SLC39A8: variants seen among roughly 807,000 people sequenced by gnomAD.
SLC39A8 encodes metal cation symporter ZIP8.
Under a neutral mutation model 40.4 loss-of-function variants are expected in SLC39A8, and 15 were observed. That is an observed-to-expected ratio of 0.37 (90% confidence interval 0.25 to 0.57). The LOEUF is 0.57. Ranked by LOEUF, SLC39A8 falls within the 20% of genes least tolerant of loss-of-function variation. SLC39A8 has a pLI of 0.75. For synonymous variants in SLC39A8, 223 were observed against 221.6 expected, an observed-to-expected ratio of 1.01 and a Z score of -0.06; for missense variants, 472 against 558.8, an observed-to-expected ratio of 0.84 and a Z score of 1.57.
intron 6 of SLC39A8, among the ~76,000 whole-genome samples, chr4:102,293,122 T>A (rs1334950607): frequency 6.6e-6 from 1 of 152,072 alleles, no homozygotes; most frequent in Admixed American, 6.6e-5. Context: ...AATTTTTCAC[T>A]CTGCTTTAAG....
At chr4:102,338,186 C>CTT (rs568941438) in intron 2 of SLC39A8, among the ~76,000 whole-genome samples, 8 of 131,220 alleles carry the variant, frequency 6.1e-5, no homozygotes, top group Non-Finnish European at 1.2e-4. Context: ...CATCTTATTT[C>CTT]TTTTTTTTTT....
At position 102,268,059 on chromosome 4, in the gene SLC39A8, A is replaced by C. The variant is rs755839904; in HGVS notation, c.861T>G (p.Ser287Arg). The C allele has an allele frequency of 3.7e-6, 6 of 1,614,210 alleles. No individual in the cohort carries two copies. Among genetic ancestry groups the C allele is most frequent in the South Asian group, 1.1e-5 (1 of 91,072 alleles). The part of the protein sequence containing the change: ...VSLQDGKKEP[S>R]SCTCLKGPKL... ...TGGGCCCCTTCAAACAGGTACATGA[A>C]CTTGGCTCTTTTTTTCCATCCTAGC... Residue 287 changes from serine to arginine, a missense_variant, in exon 7 of 9, where the codon AGT becomes AGG. Physicochemically the swap from Ser to Arg is moderately radical, Grantham distance 110. Transcript: ENST00000356736.
At chr4:102,269,253 C>T (rs1015991671) in intron 6 of SLC39A8, among the ~76,000 whole-genome samples, 1 of 152,190 alleles carries the variant, frequency 6.6e-6, no homozygotes, top group African/African-American at 2.4e-5. Context: ...AATATCACTT[C>T]ACCACTCCAA....
chr4:102,340,650 T>C (rs1735900115), intron 2 of SLC39A8, among the ~76,000 whole-genome samples: 1 of 152,218 alleles, frequency 6.6e-6, no homozygotes, highest in South Asian at 2.1e-4. Context: ...GGATGAATGA[T>C]ATGATCAGAT....
intron 4 of SLC39A8, among the ~76,000 whole-genome samples, chr4:102,307,209 C>T (rs1036525528): frequency 2.6e-5 from 4 of 152,046 alleles, no homozygotes; most frequent in African/African-American, 9.7e-5. Flanking sequence ...TGTCTGAGCA[C>T]GTCCTAGTGG....
intron 6 of SLC39A8, among the ~76,000 whole-genome samples, chr4:102,287,886 C>T (rs6826958): frequency 6.6e-6 from 1 of 151,974 alleles, no homozygotes; most frequent in Non-Finnish European, 1.5e-5. Context: ...CCTATCTGTA[C>T]AATCAAGATA....
intron 6 of SLC39A8, among the ~76,000 whole-genome samples, chr4:102,283,549 C>G (rs913109282): frequency 1.5e-5 from 2 of 136,594 alleles, no homozygotes; most frequent in African/African-American, 5.0e-5. Flanking sequence ...GCTAACACTT[C>G]ACACACAATT....
chr4:102,285,642 T>TGTGTGC (rs1290835760), intron 6 of SLC39A8, among the ~76,000 whole-genome samples: 1 of 151,704 alleles, frequency 6.6e-6, no homozygotes, highest in Non-Finnish European at 1.5e-5. Context: ...TGTGTGTGTG[T>TGTGTGC]GTGTGCATGT....
downstream of SLC39A8, chr4:102,259,536 C>G (rs868575501): frequency 6.6e-7 from 1 of 1,507,620 alleles, no homozygotes; most frequent in Middle Eastern, 1.7e-4. Flanking sequence ...AGATAACAAA[C>G]TGGTATTATG....
intron 8 of SLC39A8, 98 bp from the exon 9 acceptor site, chr4:102,263,291 T>A: frequency 9.7e-7 from 1 of 1,029,484 alleles, no homozygotes; most frequent in Non-Finnish European, 1.4e-6. Flanking sequence ...GTGGGTTTGG[T>A]TCCAGACCAG....
intron 2 of SLC39A8, among the ~76,000 whole-genome samples, chr4:102,343,006 G>T (rs900641289): frequency 1.3e-5 from 2 of 152,122 alleles, no homozygotes; most frequent in Admixed American, 6.5e-5. Flanking sequence ...GATAAGAAAA[G>T]AATGCAACTA....
At chr4:102,343,064 T>A (rs972546368) in intron 2 of SLC39A8, among the ~76,000 whole-genome samples, 1 of 152,182 alleles carries the variant, frequency 6.6e-6, no homozygotes, top group African/African-American at 2.4e-5. Context: ...TTTGTGGGCA[T>A]TTCCATTTTT....
At chr4:102,336,178 A>G (rs1046303758) in intron 2 of SLC39A8, among the ~76,000 whole-genome samples, 1 of 152,202 alleles carries the variant, frequency 6.6e-6, no homozygotes, top group African/African-American at 2.4e-5. Flanking sequence ...AGTGCCCGAA[A>G]TATGTTAAAT....
intron 6 of SLC39A8, among the ~76,000 whole-genome samples, chr4:102,301,969 T>C (rs903868530): frequency 4.6e-5 from 7 of 152,124 alleles, no homozygotes; most frequent in African/African-American, 1.7e-4. Context: ...TCCTAGTAGG[T>C]TCATCAGAAG....
chr4:102,330,680 C>T (rs1443116805), intron 2 of SLC39A8, among the ~76,000 whole-genome samples: 2 of 142,574 alleles, frequency 1.4e-5, no homozygotes, highest in Admixed American at 7.0e-5. Flanking sequence ...TTTACGAGGT[C>T]AGCATCATCC....
At chr4:102,307,375 A>G (rs1447171899) in intron 4 of SLC39A8, 61 bp downstream of exon 4, 3 of 1,573,096 alleles carry the variant, frequency 1.9e-6, no homozygotes, top group East Asian at 4.5e-5. Flanking sequence ...AAAAACATAC[A>G]AAGTGCTAAA....
Position 102,304,446 on chromosome 4 carries a change from A to G in SLC39A8, c.711T>C (p.Gly237=), listed in dbSNP as rs1734055538. The G allele has an allele frequency of 6.2e-7, 1 of 1,611,500 alleles. No individual in the cohort carries two copies. The highest frequency in any genetic ancestry group is 8.5e-7 in the Non-Finnish European group (1 of 1,178,330). The change falls in exon 6 of 9, where the codon GGT becomes GGC. Residue 237 remains glycine (G), a synonymous_variant. Coordinates refer to ENST00000356736, the MANE Select transcript of SLC39A8 (RefSeq NM_001135146.2). Reference sequence around the variant, plus strand: ...TAGGTTGATGAGTTTTTTCTTGAGGACCAAAGTTATCATTTCCAAAGTGGG... The same window carrying G: ...TAGGTTGATGAGTTTTTTCTTGAGGGCCAAAGTTATCATTTCCAAAGTGGG... ...GHTHFGNDNF[G]PQEKTHQPKA...
In SLC39A8 at chr4:102,268,045, A is replaced by G; in HGVS notation, c.875T>C (p.Leu292Ser). Residue 292 changes from leucine (L) to serine (S), a missense_variant, in exon 7 of 9, where the codon TTG becomes TCG. Leu to Ser is a moderately radical substitution (Grantham distance 145). This residue lies in a region of SLC39A8 where 239 missense variants were observed against 317.9 expected (regional missense o/e 0.75). Coordinates refer to ENST00000356736, the MANE Select transcript of SLC39A8 (RefSeq NM_001135146.2). ...TATTTCTGACAGTTTGGGCCCCTTC[A>G]AACAGGTACATGAACTTGGCTCTTT... is the stretch of plus-strand genomic sequence containing the variant. ...GKKEPSSCTC[L>S]KGPKLSEIGT... is the part of the protein sequence containing the mutation. The G allele has an allele frequency of 6.2e-7, 1 of 1,614,210 alleles. No individual in the cohort carries two copies. The highest frequency in any genetic ancestry group is 8.5e-7 in the Non-Finnish European group (1 of 1,180,022).
chr4:102,295,804 C>A (rs1205847895), intron 6 of SLC39A8, among the ~76,000 whole-genome samples: 1 of 152,068 alleles, frequency 6.6e-6, no homozygotes, highest in Non-Finnish European at 1.5e-5. Flanking sequence ...ACATAAGGAA[C>A]CAGAACAGAT....
Sources: gnomAD v4.1 joint callset for allele counts (sites outside exome capture counted in the v4.1 genomes callset) on GRCh38, gnomAD v4.1.1 for gene constraint, gnomAD v4.1.1 regional missense constraint, MANE v1.5 for transcripts, NCBI Gene and HGNC (gene_info 2026-07-23, HGNC 2026-07-21) for gene names.